The following CDC73 variants were observed in gnomAD, a reference collection of about 807,000 sequenced individuals.
The protein encoded by CDC73 is parafibromin.
Under a neutral mutation model 83.7 loss-of-function variants are expected in CDC73, and 21 were observed. The ratio of observed to expected loss-of-function variants is 0.25; its 90% CI spans 0.18 to 0.36. The LOEUF (loss-of-function observed/expected upper bound fraction) is 0.36. CDC73 is among the 10% of genes least tolerant of loss of function. The pLI is 1.00. For missense variants in CDC73, 342 were observed against 653.3 expected (o/e 0.52, Z 5.19); for synonymous variants, 224 against 212.9 (o/e 1.05, Z -0.45).
At chr1:193,169,203 C>T (rs1032493012) in intron 10 of CDC73, among the ~76,000 whole-genome samples, 1 of 152,174 alleles carries the variant, frequency 6.6e-6, no homozygotes, top group Non-Finnish European at 1.5e-5. Context: ...TAAACACACC[C>T]ATACCTGGCA....
intron 12 of CDC73, 55 bp from the exon 13 acceptor site, chr1:193,212,335 A>T: frequency 3.7e-6 from 4 of 1,094,466 alleles, no homozygotes; most frequent in Non-Finnish European, 5.4e-6. Flanking sequence ...TTAGTAGAGA[A>T]AGTAAGTATA....
At chr1:193,222,756 CTT>C (rs59773568) in intron 13 of CDC73, among the ~76,000 whole-genome samples, 9 of 117,172 alleles carry the variant, frequency 7.7e-5, no homozygotes, top group Admixed American at 9.2e-5. Context: ...ATGAAATAAG[CTT>C]TTTTTTTTTT....
intron 10 of CDC73, among the ~76,000 whole-genome samples, chr1:193,182,039 A>G (rs753188578): frequency 6.6e-6 from 1 of 152,178 alleles, no homozygotes; most frequent in Admixed American, 6.5e-5. Flanking sequence ...TTAAGAGCAG[A>G]TGGAAAATTT....
intron 2 of CDC73, among the ~76,000 whole-genome samples, chr1:193,129,670 A>T (rs1352441921): frequency 6.7e-6 from 1 of 149,492 alleles, no homozygotes; most frequent in African/African-American, 2.5e-5. Context: ...GCTTCACCAC[A>T]CCCAGCTAAT....
At chr1:193,239,065 C>T (rs1286217045) in intron 15 of CDC73, among the ~76,000 whole-genome samples, 2 of 152,180 alleles carry the variant, frequency 1.3e-5, no homozygotes, top group Admixed American at 6.5e-5. Context: ...TATATTCCCT[C>T]ATTCTAAAAA....
chr1:193,210,891 A>T (rs992642066), intron 11 of CDC73, among the ~76,000 whole-genome samples: 2 of 152,240 alleles, frequency 1.3e-5, no homozygotes. Flanking sequence ...GAAAGAAAAA[A>T]AAATAAAAGG....
chr1:193,233,305 C>T (rs1677694434), intron 14 of CDC73, 151 bp downstream of exon 14: 1 of 724,080 alleles, frequency 1.4e-6, no homozygotes, highest in Non-Finnish European at 2.5e-6. Context: ...TGTCAGTCCT[C>T]CTGCCTCAGG....
chr1:193,174,168 G>C (rs1676565932), intron 10 of CDC73, among the ~76,000 whole-genome samples: 1 of 150,846 alleles, frequency 6.6e-6, no homozygotes, highest in African/African-American at 2.4e-5. Flanking sequence ...CTTTTTCTAA[G>C]TTTTTCAACA....
At chr1:193,217,094 G>T (rs1677380903) in intron 13 of CDC73, among the ~76,000 whole-genome samples, 1 of 152,086 alleles carries the variant, frequency 6.6e-6, no homozygotes, top group Non-Finnish European at 1.5e-5. Context: ...ATGTTCCTTT[G>T]TCTCCCTCCC....
intron 10 of CDC73, among the ~76,000 whole-genome samples, chr1:193,168,455 T>C (rs1676468653): frequency 6.6e-6 from 1 of 152,190 alleles, no homozygotes; most frequent in South Asian, 2.1e-4. Flanking sequence ...TTGTGATTTG[T>C]ATTGTGCCAA....
chr1:193,250,885 AT>A lies in CDC73; in HGVS notation c.*180del. On this transcript the variant is annotated 3_prime_UTR_variant, in exon 17 of 17. Transcript: ENST00000367435. ...TAAGCAAACTTTTTGGCTTACAACT[AT>A]TTTTTTAATATTAGCCTTCTAGTCT... The A allele has an allele frequency of 1.6e-6, 1 of 622,922 alleles. No individual in the cohort carries two copies. Among genetic ancestry groups the A allele is most frequent in the Non-Finnish European group, 2.9e-6 (1 of 345,468 alleles). The allele number at this position is 622,922 out of a possible 1,614,324, so 38.6% of individuals were successfully genotyped here.
chr1:193,185,626 T>C (rs145590476), intron 10 of CDC73, among the ~76,000 whole-genome samples: 1,859 of 152,238 alleles, frequency 0.012, 19 homozygotes, highest in South Asian at 0.034. Context: ...ATTGTGTCTT[T>C]TGATAGCCAT....
chr1:193,133,526 A>G (rs1675731924), intron 3 of CDC73, among the ~76,000 whole-genome samples: 1 of 152,210 alleles, frequency 6.6e-6, no homozygotes, highest in Non-Finnish European at 1.5e-5. Flanking sequence ...TGAAACAACT[A>G]AATGACTAGA....
At chr1:193,135,199 C>T (rs1675769681) in intron 3 of CDC73, among the ~76,000 whole-genome samples, 192 bp from the exon 4 acceptor site, 1 of 152,094 alleles carries the variant, frequency 6.6e-6, no homozygotes, top group African/African-American at 2.4e-5. Flanking sequence ...AGTTTGTCCT[C>T]TTAGAGACTT....
intron 6 of CDC73, 122 bp from the exon 7 acceptor site, chr1:193,141,728 A>G (rs1675909606): frequency 2.9e-6 from 2 of 697,362 alleles, no homozygotes; most frequent in Non-Finnish European, 2.5e-6. Context: ...CTTACAGATA[A>G]GAAAACCTTA....
intron 11 of CDC73, among the ~76,000 whole-genome samples, chr1:193,209,346 C>T (rs1056683518): frequency 6.6e-6 from 1 of 152,174 alleles, no homozygotes. Flanking sequence ...TGTGCTAACA[C>T]CTAATTAAGG....
At position 193,204,807 on chromosome 1, in the gene CDC73, C is replaced by T. The variant is rs1677159037; in HGVS notation, c.1030+955C>T. 2.0e-5 allele frequency among the ~76,000 whole-genome samples: 3 copies of T among 152,120 alleles called. No individual in the cohort carries two copies. In the South Asian group the frequency reaches 6.2e-4, roughly 32 times the overall value. ...TAAAACATTTTTAAAAGTTTAAAAG[C>T]TATTTATGTATATCCATCCTTTCAT... is the stretch of plus-strand genomic sequence containing the variant. On this transcript the variant is annotated intron_variant, in intron 11 of 16. Coordinates refer to ENST00000367435, the MANE Select transcript of CDC73 (RefSeq NM_024529.5).
At chr1:193,215,592 G>GTT (rs780470013) in intron 13 of CDC73, among the ~76,000 whole-genome samples, 1,801 of 141,418 alleles carry the variant, frequency 0.013, 17 homozygotes, top group South Asian at 0.033. Context: ...ATTAACACAG[G>GTT]TTTTTTTTTT....
chr1:193,167,797 A>G (rs1234519475), intron 10 of CDC73, among the ~76,000 whole-genome samples: 1 of 152,090 alleles, frequency 6.6e-6, no homozygotes, highest in Non-Finnish European at 1.5e-5. Context: ...ATTGCATTAG[A>G]TGGTAAACAG....
Sources: allele counts gnomAD v4.1 joint callset (sites outside exome capture counted in the v4.1 genomes callset), GRCh38; gene constraint gnomAD v4.1.1; transcripts MANE v1.5; gene names NCBI Gene and HGNC (gene_info 2026-07-23, HGNC 2026-07-21).